The following COL6A6 variants were observed in gnomAD, a reference collection of about 807,000 sequenced individuals.
The protein encoded by COL6A6 is collagen type VI alpha 6 chain, also known as collagen alpha-6(VI) chain.
In COL6A6, 183 loss-of-function variants were observed where a neutral mutation model predicts 208.6. That is an observed-to-expected ratio of 0.88 (90% CI 0.78 to 0.99). The LOEUF (loss-of-function observed/expected upper bound fraction) is 0.99, where lower values mean the gene tolerates loss of function less well. COL6A6 is among the 50% of genes least tolerant of loss of function. COL6A6 has a pLI of 0.00. For missense variants in COL6A6, 2,816 were observed against 2,815.2 expected (o/e 1.00, Z -0.01); for synonymous variants, 973 against 1,011.8 (o/e 0.96, Z 0.73).
chr3:130,558,953 C>T (rs1046010662), intron 1 of COL6A6, among the ~76,000 whole-genome samples: 13 of 152,148 alleles, frequency 8.5e-5, no homozygotes, highest in African/African-American at 2.4e-4. Context: ...AATTGTGGCT[C>T]ACTTTACCAA....
chr3:130,549,610 T>A (rs1215204356), intron 1 of COL6A6, among the ~76,000 whole-genome samples: 4 of 152,206 alleles, frequency 2.6e-5, no homozygotes, highest in Admixed American at 2.6e-4. Context: ...ATCTTCTGCA[T>A]ATGGCTAACC....
At chr3:130,582,180 A>T in intron 10 of COL6A6, 112 bp downstream of exon 10, 1 of 670,564 alleles carries the variant, frequency 1.5e-6, no homozygotes. Context: ...CCTGATTTTG[A>T]CAATCTCCGT....
At chr3:130,650,294 C>G (rs1012444471) in intron 33 of COL6A6, among the ~76,000 whole-genome samples, 6 of 151,952 alleles carry the variant, frequency 3.9e-5, no homozygotes, top group Non-Finnish European at 8.8e-5. Flanking sequence ...AAGGGGGGGG[C>G]CAGGGAGCAG....
rs780712357 is a variant in COL6A6 at position 130,565,311 on chromosome 3, C to T, written c.979C>T (p.Arg327Trp). The T allele has an allele frequency of 2.4e-5, 39 of 1,613,846 alleles. No individual in the cohort carries two copies. The East Asian group carries it at 2.5e-4, about 10-fold the overall frequency. ...KEVFSARNGS[R>W]KNQGVPQIAV... is the part of the protein sequence containing the mutation. ...AGTTTTTAGTGCACGGAATGGCAGT[C>T]GGAAGAATCAGGGGGTGCCCCAGAT... Residue 327 changes from arginine to tryptophan, a missense_variant, in exon 4 of 37, where the codon CGG becomes TGG. By Grantham distance (101) the Arg-to-Trp change is moderately radical (BLOSUM62 -3). Transcript: ENST00000358511.
In COL6A6 at chr3:130,661,784, A is replaced by G; in HGVS notation, c.5978A>G (p.Asp1993Gly). The change falls in exon 35 of 37, where the codon GAT (aspartate) becomes GGT (glycine). Residue 1993 changes from aspartate (D) to glycine (G), a missense_variant. Asp to Gly is a moderately conservative substitution (Grantham distance 94). Transcript: ENST00000358511. Reference protein sequence around the residue: ...DIRAFLGALLDHFEITPEPET... With the variant: ...DIRAFLGALLGHFEITPEPET... Reference sequence around the variant, plus strand: ...AGAGCCTTCCTTGGAGCACTATTAGATCACTTTGAAATCACCCCAGAGCCG... The same window carrying G: ...AGAGCCTTCCTTGGAGCACTATTAGGTCACTTTGAAATCACCCCAGAGCCG... 1 of 1,613,916 alleles carries G rather than the reference A, an allele frequency of 6.2e-7. No homozygotes were observed. Among genetic ancestry groups the G allele is most frequent in the East Asian group, 2.2e-5 (1 of 44,876 alleles).
chr3:130,547,510 A>G (rs2062541934), intron 1 of COL6A6, among the ~76,000 whole-genome samples: 1 of 152,204 alleles, frequency 6.6e-6, no homozygotes, highest in Non-Finnish European at 1.5e-5. Context: ...AGGGGCTCCT[A>G]TAGTGCAGTG....
At chr3:130,648,254 A>G (rs1163844601) in intron 32 of COL6A6, among the ~76,000 whole-genome samples, 1 of 152,244 alleles carries the variant, frequency 6.6e-6, no homozygotes, top group Non-Finnish European at 1.5e-5. Flanking sequence ...GTTAAACAAA[A>G]ATGTATCTGT....
intron 33 of COL6A6, among the ~76,000 whole-genome samples, chr3:130,650,848 C>T (rs1158046639): frequency 6.6e-6 from 1 of 152,032 alleles, no homozygotes; most frequent in Non-Finnish European, 1.5e-5. Context: ...GAATTAATGC[C>T]AGTAGTCAAG....
chr3:130,536,588 A>G (rs962720655), intron 1 of COL6A6, among the ~76,000 whole-genome samples: 2 of 152,216 alleles, frequency 1.3e-5, no homozygotes, highest in African/African-American at 4.8e-5. Flanking sequence ...CCCTTTAAGA[A>G]GGATGTAATA....
chr3:130,648,770 A>G lies in COL6A6; in HGVS notation c.5240-299A>G, dbSNP rs1468410952. Among the ~76,000 whole-genome samples the G allele has an allele frequency of 2.6e-5, 4 of 152,174 alleles. No individual in the cohort carries two copies. The South Asian group carries it at 6.2e-4, about 24-fold the overall frequency. ...GATCGAGTCTCTGCAGGTGAAGGGT[A>G]TTTCCAGGAGCTCTCTATTGTTTAG... On this transcript the variant is annotated intron_variant, in intron 32 of 36. Coordinates refer to ENST00000358511, the MANE Select transcript of COL6A6 (RefSeq NM_001102608.3).
At chr3:130,524,019 C>T (rs980444371) in intron 1 of COL6A6, among the ~76,000 whole-genome samples, 3 of 152,118 alleles carry the variant, frequency 2.0e-5, no homozygotes, top group Non-Finnish European at 4.4e-5. Flanking sequence ...CCCTTCTCCA[C>T]GAGTACTGTC....
At chr3:130,598,307 T>C (rs1442169707) in intron 18 of COL6A6, 58 bp from the exon 19 acceptor site, 5 of 1,171,940 alleles carry the variant, frequency 4.3e-6, no homozygotes, top group African/African-American at 1.5e-5. Flanking sequence ...ACATAAGTTA[T>C]ATGTTTAAGG....
At chr3:130,619,241 A>G (rs574456401) in intron 23 of COL6A6, among the ~76,000 whole-genome samples, 1 of 152,310 alleles carries the variant, frequency 6.6e-6, no homozygotes, top group East Asian at 1.9e-4. Context: ...GGGGACAAGC[A>G]TGAGACCCAA....
intron 13 of COL6A6, among the ~76,000 whole-genome samples, chr3:130,591,907 G>C (rs1212138635): frequency 6.6e-6 from 1 of 152,168 alleles, no homozygotes; most frequent in Non-Finnish European, 1.5e-5. Flanking sequence ...ATTTCTACAG[G>C]CAAAGTTTGG....
intron 1 of COL6A6, among the ~76,000 whole-genome samples, chr3:130,529,676 A>G (rs1429268278): frequency 6.6e-6 from 1 of 152,090 alleles, no homozygotes; most frequent in African/African-American, 2.4e-5. Flanking sequence ...TTTCTGAGGT[A>G]TCTTTCCTGG....
chr3:130,548,737 C>T (rs1398418877), intron 1 of COL6A6, among the ~76,000 whole-genome samples: 1 of 152,212 alleles, frequency 6.6e-6, no homozygotes, highest in Non-Finnish European at 1.5e-5. Flanking sequence ...ATTTCTCAGA[C>T]TTGTACACTC....
Position 130,581,734 on chromosome 3 carries a change from T to C in COL6A6, c.3721T>C (p.Phe1241Leu). ...VGTETQVSVA[F>L]QVTNAMEKYS... ...CACAGAGACTCAGGTCAGTGTGGCT[T>C]TTCAAGTGACCAATGCCATGGAAAA... Residue 1241 changes from phenylalanine (F) to leucine (L), a missense_variant, in exon 9 of 37, where the codon TTT becomes CTT. Phe to Leu is a conservative substitution (Grantham distance 22). Coordinates refer to ENST00000358511, the MANE Select transcript of COL6A6 (RefSeq NM_001102608.3). The C allele has an allele frequency of 6.2e-7, 1 of 1,613,948 alleles. No individual in the cohort carries two copies. Among genetic ancestry groups the C allele is most frequent in the Non-Finnish European group, 8.5e-7 (1 of 1,179,850 alleles).
chr3:130,568,707 G>C, intron 6 of COL6A6, 103 bp downstream of exon 6: 1 of 1,136,842 alleles, frequency 8.8e-7, no homozygotes, highest in East Asian at 2.5e-5. Flanking sequence ...TAAACTTTTG[G>C]TTTAATTGAA....
intron 1 of COL6A6, among the ~76,000 whole-genome samples, chr3:130,527,195 A>G (rs914088440): frequency 2.0e-5 from 3 of 152,198 alleles, no homozygotes; most frequent in Non-Finnish European, 4.4e-5. Flanking sequence ...GGCAGTCAAG[A>G]GTTATTCTAA....
Sources: gnomAD v4.1 joint callset for allele counts (sites outside exome capture counted in the v4.1 genomes callset) on GRCh38, gnomAD v4.1.1 for gene constraint, MANE v1.5 for transcripts, NCBI Gene and HGNC (gene_info 2026-07-23, HGNC 2026-07-21) for gene names.